The following PKIB variants were observed in gnomAD, a reference collection of about 807,000 sequenced individuals.
PKIB encodes PKI-beta.
In PKIB, 2 loss-of-function variants were observed where a neutral mutation model predicts 4.5. The ratio of observed to expected loss-of-function variants is 0.44; its 90% CI spans 0.18 to 1.39. PKIB has a LOEUF of 1.39. Ranked by LOEUF, PKIB falls within the 40% of genes most tolerant of loss-of-function variation. PKIB has a pLI of 0.27. For synonymous variants in PKIB, 38 were observed against 36.0 expected, an observed-to-expected ratio of 1.06 and a Z score of -0.20; for missense variants, 94 against 92.6, an observed-to-expected ratio of 1.02 and a Z score of -0.06.
chr6:122,671,791 T>G (rs950242643), intron 2 of PKIB, among the ~76,000 whole-genome samples: 1 of 152,226 alleles, frequency 6.6e-6, no homozygotes, highest in Non-Finnish European at 1.5e-5. Context: ...GGGCACCCCC[T>G]GAAATTTTGT....
intron 3 of PKIB, among the ~76,000 whole-genome samples, chr6:122,602,948 T>C (rs1048371543): frequency 2.6e-5 from 3 of 113,562 alleles, no homozygotes; most frequent in African/African-American, 9.5e-5. Flanking sequence ...AGGGCAAGAC[T>C]GCGTCTCAAA....
At chr6:122,703,184 A>G (rs1027050283) in intron 3 of PKIB, among the ~76,000 whole-genome samples, 2 of 152,186 alleles carry the variant, frequency 1.3e-5, no homozygotes, top group Non-Finnish European at 2.9e-5. Context: ...CATATTGTCT[A>G]TGTACTGAAC....
intron 2 of PKIB, among the ~76,000 whole-genome samples, chr6:122,519,229 T>G (rs1024735955): frequency 2.0e-5 from 3 of 152,108 alleles, no homozygotes; most frequent in Non-Finnish European, 2.9e-5. Flanking sequence ...GGGATCTAGC[T>G]TGTGCCTTCT....
Position 122,521,176 on chromosome 6 carries a change from C to T in PKIB, c.-248+43237C>T, listed in dbSNP as rs76914820. On this transcript the variant is annotated intron_variant, in intron 2 of 6. Transcript: ENST00000392491. ...CATATGTAATGGTTTTGCTGGGATTCGGAAAACTTAGTGGATCGGACTGGC... is the reference window on the plus strand; with the variant it reads ...CATATGTAATGGTTTTGCTGGGATTTGGAAAACTTAGTGGATCGGACTGGC... Among the ~76,000 whole-genome samples, 417 of 152,254 alleles carry T rather than the reference C, an allele frequency of 2.7e-3. 4 individuals carry two copies. Among genetic ancestry groups the T allele is most frequent in the African/African-American group, 9.2e-3 (384 of 41,562 alleles).
intron 2 of PKIB, among the ~76,000 whole-genome samples, chr6:122,551,270 G>A (rs1019485436): frequency 2.0e-5 from 3 of 151,182 alleles, no homozygotes; most frequent in Non-Finnish European, 2.9e-5. Flanking sequence ...TTGCACCTTC[G>A]GGACCATCTT....
chr6:122,655,526 A>G (rs556151356), intron 2 of PKIB, among the ~76,000 whole-genome samples: 2 of 152,156 alleles, frequency 1.3e-5, no homozygotes, highest in Non-Finnish European at 2.9e-5. Context: ...TGGTGCCTCC[A>G]TCTTGGACTT....
At chr6:122,566,650 C>G (rs1773204938) in intron 2 of PKIB, among the ~76,000 whole-genome samples, 1 of 142,936 alleles carries the variant, frequency 7.0e-6, no homozygotes, top group African/African-American at 2.7e-5. Flanking sequence ...CCCTTCCTTC[C>G]TGCCTTCCTT....
intron 3 of PKIB, among the ~76,000 whole-genome samples, chr6:122,599,444 C>T (rs960058877): frequency 6.6e-6 from 1 of 152,134 alleles, no homozygotes; most frequent in Non-Finnish European, 1.5e-5. Flanking sequence ...CATTGCAGGT[C>T]AGCCACTCGC....
At chr6:122,566,620 TCCTC>T (rs1773202978) in intron 2 of PKIB, among the ~76,000 whole-genome samples, 1 of 148,744 alleles carries the variant, frequency 6.7e-6, no homozygotes, top group South Asian at 2.1e-4. Flanking sequence ...ATTCCTCCCT[TCCTC>T]CCTTCCTCCC....
intron 2 of PKIB, among the ~76,000 whole-genome samples, chr6:122,539,284 T>G (rs1431771929): frequency 1.3e-5 from 2 of 152,100 alleles, no homozygotes; most frequent in African/African-American, 4.8e-5. Context: ...ATGCTTCCAG[T>G]TTTTGCCCAT....
chr6:122,692,839 C>T (rs777277463), intron 3 of PKIB, among the ~76,000 whole-genome samples: 4 of 152,196 alleles, frequency 2.6e-5, no homozygotes, highest in Non-Finnish European at 5.9e-5. Flanking sequence ...ATTAAAAATA[C>T]ATCAAAGAAA....
At chr6:122,626,331 A>C (rs1282638670) in intron 1 of PKIB, among the ~76,000 whole-genome samples, 2 of 152,214 alleles carry the variant, frequency 1.3e-5, no homozygotes, top group African/African-American at 4.8e-5. Flanking sequence ...GTAAAGATTT[A>C]TGAATTTCCA....
At chr6:122,530,585 CTT>C (rs1249243665) in intron 2 of PKIB, among the ~76,000 whole-genome samples, 3 of 152,206 alleles carry the variant, frequency 2.0e-5, no homozygotes, top group East Asian at 3.9e-4. Flanking sequence ...GCAGGGAAGA[CTT>C]TGCCTATGAG....
intron 2 of PKIB, among the ~76,000 whole-genome samples, chr6:122,554,634 G>T (rs888252676): frequency 6.6e-6 from 1 of 152,194 alleles, no homozygotes; most frequent in Admixed American, 6.6e-5. Flanking sequence ...CAGCCAGTAT[G>T]TTGGAAAACA....
intron 3 of PKIB, among the ~76,000 whole-genome samples, chr6:122,695,351 G>A (rs4463296): frequency 0.48 from 72,945 of 151,914 alleles, 18,272 homozygotes; most frequent in Non-Finnish European, 0.56. Flanking sequence ...AAATGTGTGT[G>A]TGTTCATGGA....
At chr6:122,655,512 C>G (rs536378562) in intron 2 of PKIB, among the ~76,000 whole-genome samples, 61 of 152,254 alleles carry the variant, frequency 4.0e-4, no homozygotes, top group African/African-American at 1.3e-3. Context: ...GAGACTGAAT[C>G]TGCTGGTGCC....
chr6:122,627,820 ACTT>A (rs1324835151), intron 1 of PKIB, among the ~76,000 whole-genome samples: 1 of 152,152 alleles, frequency 6.6e-6, no homozygotes, highest in African/African-American at 2.4e-5. Flanking sequence ...GATAAAGAAA[ACTT>A]CTTTTTATAA....
chr6:122,572,434 A>G (rs1330484950), intron 2 of PKIB, among the ~76,000 whole-genome samples: 1 of 152,188 alleles, frequency 6.6e-6, no homozygotes, highest in Non-Finnish European at 1.5e-5. Context: ...AATGAATGAT[A>G]AAGTGACACA....
chr6:122,671,311 AT>A (rs1777455879), intron 2 of PKIB, among the ~76,000 whole-genome samples: 2 of 151,786 alleles, frequency 1.3e-5, no homozygotes, highest in South Asian at 4.2e-4. Context: ...AAAAATACTT[AT>A]TGAAGTATCT....
Sources: gnomAD v4.1 joint callset for allele counts (sites outside exome capture counted in the v4.1 genomes callset) on GRCh38, gnomAD v4.1.1 for gene constraint, MANE v1.5 for transcripts, NCBI Gene and HGNC (gene_info 2026-07-23, HGNC 2026-07-21) for gene names.